The following FANCC variants were observed in gnomAD, a reference collection of about 807,000 sequenced individuals.
FANCC encodes the protein Fanconi anemia group C protein.
Under a neutral mutation model 71.3 loss-of-function variants are expected in FANCC, and 55 were observed. The ratio of observed to expected loss-of-function variants is 0.77; its 90% confidence interval spans 0.62 to 0.97. FANCC has a LOEUF of 0.97. Ranked by LOEUF, FANCC falls within the 50% of genes least tolerant of loss-of-function variation. FANCC has a pLI of 0.00. For synonymous variants in FANCC, 275 were observed against 244.9 expected (o/e 1.12, Z -1.15); for missense variants, 678 against 670.9 (o/e 1.01, Z -0.12).
At chr9:95,171,036 C>G (rs1462328605) in intron 6 of FANCC, 43 bp downstream of exon 6, 2 of 1,505,504 alleles carry the variant, frequency 1.3e-6, no homozygotes, top group Non-Finnish European at 1.8e-6. Flanking sequence ...CAAACTGATA[C>G]ATTTTGAAAC....
chr9:95,181,660 T>G (rs748498363), intron 4 of FANCC, among the ~76,000 whole-genome samples: 5 of 152,192 alleles, frequency 3.3e-5, no homozygotes, highest in Non-Finnish European at 7.3e-5. Flanking sequence ...TGGATATAAA[T>G]GAACAGGTTC....
intron 1 of FANCC, among the ~76,000 whole-genome samples, chr9:95,302,231 T>C (rs1019894985): frequency 1.3e-5 from 2 of 152,166 alleles, no homozygotes; most frequent in Non-Finnish European, 2.9e-5. Flanking sequence ...TGCTCCCACG[T>C]GGTGGACAGA....
intron 12 of FANCC, chr9:95,113,985 G>A (rs1018443705): frequency 1.9e-5 from 3 of 158,748 alleles, no homozygotes; most frequent in African/African-American, 4.8e-5. Context: ...CTACTCAGGA[G>A]TCTGAGTGGG....
chr9:95,263,019 C>T (rs1381264005), intron 1 of FANCC, among the ~76,000 whole-genome samples: 2 of 152,208 alleles, frequency 1.3e-5, no homozygotes, highest in Admixed American at 6.5e-5. Context: ...GGATGGATGG[C>T]GGCAATGGTT....
intron 9 of FANCC, among the ~76,000 whole-genome samples, chr9:95,126,267 C>T (rs751890793): frequency 1.3e-5 from 2 of 152,184 alleles, no homozygotes; most frequent in Non-Finnish European, 2.9e-5. Context: ...TAATGCCTAA[C>T]TCAATTCTGT....
At chr9:95,262,159 G>A (rs1423792626) in intron 1 of FANCC, among the ~76,000 whole-genome samples, 1 of 151,968 alleles carries the variant, frequency 6.6e-6, no homozygotes, top group Non-Finnish European at 1.5e-5. Context: ...CAGATTCAAA[G>A]TACAGCAGGC....
chr9:95,214,924 G>C (rs118149344), intron 4 of FANCC, among the ~76,000 whole-genome samples: 1 of 152,062 alleles, frequency 6.6e-6, no homozygotes, highest in Non-Finnish European at 1.5e-5. Context: ...AGTAATAGCT[G>C]CATAACAATA....
intron 1 of FANCC, among the ~76,000 whole-genome samples, chr9:95,250,702 C>T (rs576495953): frequency 6.6e-6 from 1 of 152,362 alleles, no homozygotes; most frequent in South Asian, 2.1e-4. Flanking sequence ...AAGTCTACCA[C>T]CAAAATAAAT....
intron 4 of FANCC, among the ~76,000 whole-genome samples, chr9:95,196,823 A>G (rs1827486502): frequency 6.6e-6 from 1 of 152,112 alleles, no homozygotes; most frequent in African/African-American, 2.4e-5. Flanking sequence ...ACGGACTCTA[A>G]TTTCTGCCCT....
chr9:95,248,432 A>G (rs1249955292), intron 2 of FANCC, among the ~76,000 whole-genome samples: 1 of 152,224 alleles, frequency 6.6e-6, no homozygotes, highest in Non-Finnish European at 1.5e-5. Flanking sequence ...GTTTCTAAAG[A>G]CATATGAACT....
chr9:95,305,064 A>G (rs887446223), intron 1 of FANCC, among the ~76,000 whole-genome samples: 8 of 152,154 alleles, frequency 5.3e-5, no homozygotes, highest in Admixed American at 3.9e-4. Flanking sequence ...GATCGCTTAC[A>G]AACAGTCACT....
At chr9:95,202,208 C>T (rs1368375074) in intron 4 of FANCC, among the ~76,000 whole-genome samples, 1 of 152,240 alleles carries the variant, frequency 6.6e-6, no homozygotes, top group East Asian at 1.9e-4. Flanking sequence ...AAAAGGAAGG[C>T]TCCAGGGGTG....
At chr9:95,269,640 C>G (rs564579104) in intron 1 of FANCC, among the ~76,000 whole-genome samples, 1 of 152,218 alleles carries the variant, frequency 6.6e-6, no homozygotes, top group African/African-American at 2.4e-5. Context: ...TTACATGAAG[C>G]CCCTAGGTAC....
At position 95,100,044 on chromosome 9, in the gene FANCC, A is replaced by C. The variant is rs566794719; in HGVS notation, c.*1663T>G. 1 of 232,330 alleles carries C rather than the reference A, an allele frequency of 4.3e-6. No homozygotes were observed. The highest frequency in any genetic ancestry group is 2.2e-5 in the African/African-American group (1 of 45,424). 14.4% of individuals were successfully genotyped at this position (232,330 alleles called of 1,614,324 possible). ...CCTGCTGCCACCATGTCCACAGAGG[A>C]GTCACAGCTTCCATGGCCCAGCCAC... On this transcript the variant is annotated 3_prime_UTR_variant, in exon 15 of 15. Transcript: ENST00000289081.
intron 7 of FANCC, 119 bp downstream of exon 7, chr9:95,149,804 A>G: frequency 8.7e-7 from 1 of 1,147,912 alleles, no homozygotes; most frequent in Non-Finnish European, 1.3e-6. Context: ...TTTTAAGAGT[A>G]TAAAGGGTAC....
At chr9:95,133,646 C>A (rs533553040) in intron 8 of FANCC, among the ~76,000 whole-genome samples, 7 of 152,198 alleles carry the variant, frequency 4.6e-5, no homozygotes, top group African/African-American at 1.7e-4. Flanking sequence ...TAAGGAAAGG[C>A]TGGAAAAAAG....
intron 1 of FANCC, among the ~76,000 whole-genome samples, chr9:95,279,775 C>A (rs987113373): frequency 4.6e-5 from 7 of 151,932 alleles, no homozygotes; most frequent in Admixed American, 4.6e-4. Context: ...TAATGAAACG[C>A]TGTCTTTACT....
intron 1 of FANCC, among the ~76,000 whole-genome samples, chr9:95,261,427 A>C (rs1564806856): frequency 6.6e-6 from 1 of 152,210 alleles, no homozygotes; most frequent in Non-Finnish European, 1.5e-5. Context: ...ACTGTTTAGC[A>C]TTTTTAAGAA....
intron 7 of FANCC, among the ~76,000 whole-genome samples, chr9:95,137,587 A>G (rs190219640): frequency 6.6e-6 from 1 of 152,294 alleles, no homozygotes; most frequent in East Asian, 1.9e-4. Context: ...TGATTTCTGG[A>G]GGATTTACTA....
Sources: allele counts gnomAD v4.1 joint callset (sites outside exome capture counted in the v4.1 genomes callset), GRCh38; gene constraint gnomAD v4.1.1; transcripts MANE v1.5; gene names NCBI Gene and HGNC (gene_info 2026-07-23, HGNC 2026-07-21).